CAPN8: variants seen among roughly 807,000 people sequenced by gnomAD.
CAPN8 encodes the protein calpain-8.
In CAPN8, 87 loss-of-function variants were observed where a neutral mutation model predicts 80.9. That is an observed-to-expected ratio of 1.07 (90% CI 0.90 to 1.28). The LOEUF is 1.28. CAPN8 is among the 50% of genes most tolerant of loss of function. The probability of loss-of-function intolerance (pLI) is 0.00; values close to 1 mark genes in which losing one functional copy is unlikely to be tolerated. For synonymous variants in CAPN8, 299 were observed against 273.8 expected (o/e 1.09, Z -0.91); for missense variants, 757 against 702.0 (o/e 1.08, Z -0.89).
chr1:223,625,600 A>G (rs1657549377), intron 6 of CAPN8, among the ~76,000 whole-genome samples: 1 of 152,158 alleles, frequency 6.6e-6, no homozygotes, highest in Admixed American at 6.5e-5. Flanking sequence ...CCTGGCCGGA[A>G]GAGCTGTTCT....
chr1:223,549,258 G>A, intron 16 of CAPN8, 60 bp downstream of exon 16: 2 of 1,533,608 alleles, frequency 1.3e-6, no homozygotes, highest in Non-Finnish European at 1.8e-6. Flanking sequence ...AAAGGTGGAG[G>A]AGTCTTTAAA....
chr1:223,628,047 A>G lies in CAPN8; in HGVS notation c.522T>C (p.Asn174=). 1 of 1,549,016 alleles carries G rather than the reference A, an allele frequency of 6.5e-7. No individual in the cohort carries two copies. Among genetic ancestry groups the G allele is most frequent in the Non-Finnish European group, 8.7e-7 (1 of 1,145,732 alleles). The change falls in exon 4 of 21, where the codon AAT becomes AAC. Residue 174 remains asparagine (N), a synonymous_variant. Transcript: ENST00000366872. The part of the protein sequence containing the change: ...QLLFLHSEQG[N]EFWSALLEKA... ...TCTCCAGCAGGGCACTCCAGAATTC[A>G]TTGCCTTGTTCCGAGTGTAGGAAGA...
rs1407701223 is a variant in CAPN8, at chr1:223,625,862, G to A, written c.756C>T (p.Ala252=). ...TCTTAACCAGCTTCTGGCTGGTGATGGCTTCGGCTTCGGCTGCACTGGAGA... is the reference window on the plus strand; with the variant it reads ...TCTTAACCAGCTTCTGGCTGGTGATAGCTTCGGCTTCGGCTGCACTGGAGA... ...IDVSSAAEAE[A]ITSQKLVKSH... The change falls in exon 6 of 21, where the codon GCC becomes GCT. Residue 252 remains alanine, a synonymous_variant. Coordinates refer to ENST00000366872, the MANE Select transcript of CAPN8 (RefSeq NM_001143962.2). 6.4e-7 allele frequency: 1 copy of A among 1,551,468 alleles called. No individual in the cohort carries two copies.
intron 11 of CAPN8, among the ~76,000 whole-genome samples, chr1:223,611,112 C>T (rs1017263712): frequency 7.2e-5 from 11 of 152,196 alleles, no homozygotes; most frequent in Non-Finnish European, 1.5e-4. Context: ...TGTGTGTGCA[C>T]GTCACCTCTC....
intron 1 of CAPN8, among the ~76,000 whole-genome samples, chr1:223,658,371 G>A (rs1658553524): frequency 1.3e-5 from 2 of 152,256 alleles, no homozygotes; most frequent in South Asian, 2.1e-4. Flanking sequence ...GTGGTTTGTA[G>A]GTAGATGGAA....
At chr1:223,625,233 T>C (rs61825184) in intron 6 of CAPN8, among the ~76,000 whole-genome samples, 84,575 of 151,692 alleles carry the variant, frequency 0.56, 24,840 homozygotes, top group African/African-American at 0.73. Flanking sequence ...CCCCTTTTCC[T>C]GTTTTGGGAT....
At chr1:223,646,814 A>G (rs902697713) in intron 2 of CAPN8, among the ~76,000 whole-genome samples, 6 of 152,210 alleles carry the variant, frequency 3.9e-5, no homozygotes, top group Non-Finnish European at 2.9e-5. Context: ...CAGAGCTGGT[A>G]GGTGTGAAGT....
chr1:223,641,082 G>T (rs1459228494), intron 2 of CAPN8, among the ~76,000 whole-genome samples: 3 of 152,138 alleles, frequency 2.0e-5, no homozygotes, highest in Non-Finnish European at 4.4e-5. Flanking sequence ...GAGCGTCAAA[G>T]TATTGAAGGA....
At chr1:223,639,843 T>A (rs984974819) in intron 2 of CAPN8, among the ~76,000 whole-genome samples, 3 of 152,240 alleles carry the variant, frequency 2.0e-5, no homozygotes, top group African/African-American at 7.2e-5. Flanking sequence ...GCTGAGGCCC[T>A]GAGTTCAAGT....
chr1:223,650,406 G>C (rs1371712034), intron 2 of CAPN8, among the ~76,000 whole-genome samples: 2 of 152,196 alleles, frequency 1.3e-5, no homozygotes, highest in Non-Finnish European at 2.9e-5. Context: ...CCCAGGCTGG[G>C]CCCACGGCTG....
intron 6 of CAPN8, among the ~76,000 whole-genome samples, chr1:223,625,072 G>T (rs1050090191): frequency 1.3e-5 from 2 of 152,102 alleles, no homozygotes; most frequent in Non-Finnish European, 2.9e-5. Flanking sequence ...CAGCCTGGGC[G>T]ACAGAGCGAG....
intron 14 of CAPN8, among the ~76,000 whole-genome samples, chr1:223,551,788 C>T (rs961458255): frequency 5.9e-5 from 9 of 152,140 alleles, no homozygotes; most frequent in African/African-American, 1.9e-4. Flanking sequence ...TTTCATGTGA[C>T]GTAATTGCTT....
Position 223,616,129 on chromosome 1 carries a change from A to T in CAPN8, c.1152T>A (p.Asn384Lys). 6.4e-7 allele frequency: 1 copy of T among 1,551,434 alleles called. No homozygotes were observed. Among genetic ancestry groups the T allele is most frequent in the Non-Finnish European group, 8.7e-7 (1 of 1,146,704 alleles). Residue 384 changes from asparagine to lysine, a missense_variant, in exon 10 of 21, where the codon AAT becomes AAA. By Grantham distance (94) the Asn-to-Lys change is moderately conservative (BLOSUM62 0). Coordinates refer to ENST00000366872, the MANE Select transcript of CAPN8 (RefSeq NM_001143962.2). The part of the protein sequence containing the change: ...CQNYPATYWT[N>K]PQFKIRLDEV... ...CATCCAAACGGATTTTGAACTGGGG[A>T]TTGGTCCAGTACGTGGCTGGAAGTC...
chr1:223,552,607 C>T (rs1044276489), intron 14 of CAPN8, among the ~76,000 whole-genome samples: 1 of 149,824 alleles, frequency 6.7e-6, no homozygotes, highest in African/African-American at 2.4e-5. Context: ...TAAAAAGCCT[C>T]TGGGGCTAGA....
chr1:223,654,516 C>T, intron 1 of CAPN8, 117 bp from the exon 2 acceptor site: 2 of 846,026 alleles, frequency 2.4e-6, no homozygotes, highest in Non-Finnish European at 3.9e-6. Context: ...GGATTGTCTA[C>T]TGCCCATCAC....
chr1:223,647,398 A>G (rs1658218703), intron 2 of CAPN8, among the ~76,000 whole-genome samples: 1 of 152,190 alleles, frequency 6.6e-6, no homozygotes, highest in Non-Finnish European at 1.5e-5. Flanking sequence ...GCACAAGAAA[A>G]ATGCATAAAT....
rs373894809 is a variant in CAPN8 at position 223,616,141 on chromosome 1, C to T, written c.1140G>A (p.Thr380=). ...TTTTGAACTGGGGATTGGTCCAGTA[C>T]GTGGCTGGAAGTCACCCAGGTGATG... ...TAGGCQNYPA[T]YWTNPQFKIR... is the part of the protein sequence containing the mutation. Residue 380 remains threonine (T), a synonymous_variant, in exon 10 of 21, where the codon ACG becomes ACA. Coordinates refer to ENST00000366872, the MANE Select transcript of CAPN8 (RefSeq NM_001143962.2). 1.0e-5 allele frequency: 16 copies of T among 1,546,376 alleles called. No individual in the cohort carries two copies. The African/African-American group carries it at 1.9e-4, about 19-fold the overall frequency.
intron 8 of CAPN8, among the ~76,000 whole-genome samples, 168 bp from the exon 9 acceptor site, chr1:223,619,621 A>G (rs948927337): frequency 5.3e-5 from 8 of 152,224 alleles, no homozygotes; most frequent in African/African-American, 1.7e-4. Context: ...AACAGTCCAC[A>G]TTCTTCACTA....
At chr1:223,646,998 C>G (rs1658209893) in intron 2 of CAPN8, among the ~76,000 whole-genome samples, 2 of 152,190 alleles carry the variant, frequency 1.3e-5, no homozygotes, top group South Asian at 4.1e-4. Context: ...AGAGCACCCC[C>G]TGGCCTGGCA....
Sources: gnomAD v4.1 joint callset for allele counts (sites outside exome capture counted in the v4.1 genomes callset) on GRCh38, gnomAD v4.1.1 for gene constraint, MANE v1.5 for transcripts, NCBI Gene and HGNC (gene_info 2026-07-23, HGNC 2026-07-21) for gene names.